Variants in ARL15 observed in about 807,000 individuals in gnomAD.
The protein encoded by ARL15 is ARF like GTPase 15, also known as ADP-ribosylation factor-like protein 15.
Under a neutral mutation model 25.2 loss-of-function variants are expected in ARL15, and 19 were observed. That is an observed-to-expected ratio of 0.75 (90% CI 0.53 to 1.10). The LOEUF is 1.10. Ranked by LOEUF, ARL15 falls within the 50% of genes least tolerant of loss-of-function variation. The pLI, the probability that ARL15 is intolerant of heterozygous loss-of-function variation, is 0.00. For synonymous variants in ARL15, 94 were observed against 86.8 expected (o/e 1.08, Z -0.46); for missense variants, 220 against 246.0 (o/e 0.89, Z 0.71).
intron 1 of ARL15, among the ~76,000 whole-genome samples, chr5:54,286,570 A>T (rs7725454): frequency 0.61 from 92,822 of 152,076 alleles, 29,270 homozygotes; most frequent in Non-Finnish European, 0.69. Context: ...AGCATAAATC[A>T]TCATATCAGA....
chr5:54,273,424 C>A (rs549797584), intron 1 of ARL15, among the ~76,000 whole-genome samples: 4 of 152,234 alleles, frequency 2.6e-5, no homozygotes, highest in African/African-American at 9.6e-5. Context: ...AACAATTAGA[C>A]AAATCTAAAC....
chr5:54,090,917 T>A (rs1561220310), intron 4 of ARL15, among the ~76,000 whole-genome samples: 1 of 151,410 alleles, frequency 6.6e-6, no homozygotes, highest in African/African-American at 2.4e-5. Context: ...CTAAAATTGA[T>A]GAGTCATTTG....
chr5:54,113,025 A>T, intron 4 of ARL15, 177 bp downstream of exon 4: 1 of 613,382 alleles, frequency 1.6e-6, no homozygotes, highest in Non-Finnish European at 2.8e-6. Flanking sequence ...AGGGTTAGGT[A>T]TGTAAACAAG....
chr5:54,004,461 A>T (rs1748952350), intron 4 of ARL15, among the ~76,000 whole-genome samples: 1 of 148,636 alleles, frequency 6.7e-6, no homozygotes, highest in African/African-American at 2.5e-5. Flanking sequence ...GTACCACCGC[A>T]CTCCAGCCTG....
intron 4 of ARL15, among the ~76,000 whole-genome samples, chr5:54,105,516 T>C (rs986452088): frequency 6.6e-6 from 1 of 152,198 alleles, no homozygotes; most frequent in Non-Finnish European, 1.5e-5. Flanking sequence ...AATATAAGAA[T>C]TTTTTAAAAT....
intron 4 of ARL15, among the ~76,000 whole-genome samples, chr5:54,104,698 A>G (rs1375648063): frequency 1.3e-5 from 2 of 152,188 alleles, no homozygotes; most frequent in Non-Finnish European, 2.9e-5. Context: ...CAACTCAGAG[A>G]TACTGAAGTA....
At position 54,187,823 on chromosome 5, in the gene ARL15, A is replaced by G. The variant is rs115945229; in HGVS notation, c.49-15895T>C. 1.2e-3 allele frequency among the ~76,000 whole-genome samples: 179 copies of G among 152,252 alleles called. 2 individuals carry two copies. Among genetic ancestry groups the G allele is most frequent in the African/African-American group, 4.2e-3 (173 of 41,546 alleles). ...TATTTTTGCTTTCCTTTCACCTTCAATGTCTTATGGGGAGAAAATGGGACA... is the reference window on the plus strand; with the variant it reads ...TATTTTTGCTTTCCTTTCACCTTCAGTGTCTTATGGGGAGAAAATGGGACA... On this transcript the variant is annotated intron_variant, in intron 1 of 4. Transcript: ENST00000504924.
At chr5:54,049,027 G>A (rs927155949) in intron 4 of ARL15, among the ~76,000 whole-genome samples, 7 of 151,954 alleles carry the variant, frequency 4.6e-5, no homozygotes, top group African/African-American at 1.7e-4. Context: ...AAAAACTACT[G>A]AGCAACTGGC....
intron 4 of ARL15, among the ~76,000 whole-genome samples, chr5:53,992,903 G>A (rs888988292): frequency 2.0e-5 from 3 of 152,120 alleles, no homozygotes; most frequent in Admixed American, 2.0e-4. Flanking sequence ...AAAATTAGCT[G>A]GGCGTAGTGG....
chr5:54,240,100 A>G (rs1488520649), intron 1 of ARL15, among the ~76,000 whole-genome samples: 142 of 151,664 alleles, frequency 9.4e-4, no homozygotes, highest in Admixed American at 1.8e-3. Context: ...GGTGGCGGGC[A>G]CCTGTAGTCC....
At chr5:54,089,279 A>G (rs908582002) in intron 4 of ARL15, among the ~76,000 whole-genome samples, 17 of 152,166 alleles carry the variant, frequency 1.1e-4, no homozygotes, top group Admixed American at 1.1e-3. Context: ...TGTCTCTCCA[A>G]TTAGACTGTA....
At chr5:54,195,124 A>T (rs1039540941) in intron 1 of ARL15, among the ~76,000 whole-genome samples, 5 of 152,136 alleles carry the variant, frequency 3.3e-5, no homozygotes, top group Non-Finnish European at 7.4e-5. Context: ...CTCCCCACTT[A>T]AGGCTTACAC....
Position 54,185,007 on chromosome 5 carries a change from C to T in ARL15, c.49-13079G>A, listed in dbSNP as rs150709543. Among the ~76,000 whole-genome samples the T allele has an allele frequency of 8.3e-3, 1,260 of 152,286 alleles. 11 individuals carry two copies. The highest frequency in any genetic ancestry group is 0.023 in the African/African-American group (968 of 41,548). ...TCAGGATAAAGTACAGACTCCTTATCTGGGCAGACAAGGAGCTTTATGATC... is the reference window on the plus strand; with the variant it reads ...TCAGGATAAAGTACAGACTCCTTATTTGGGCAGACAAGGAGCTTTATGATC... On this transcript the variant is annotated intron_variant, in intron 1 of 4. Coordinates refer to ENST00000504924, the MANE Select transcript of ARL15 (RefSeq NM_019087.3).
At chr5:53,955,632 A>G (rs1338967762) in intron 4 of ARL15, among the ~76,000 whole-genome samples, 1 of 152,234 alleles carries the variant, frequency 6.6e-6, no homozygotes, top group Non-Finnish European at 1.5e-5. Flanking sequence ...AAAGGTTTAC[A>G]GCAACTAAGC....
chr5:53,899,551 C>T (rs1000146538), intron 4 of ARL15, among the ~76,000 whole-genome samples: 4 of 151,604 alleles, frequency 2.6e-5, no homozygotes, highest in Non-Finnish European at 5.9e-5. Context: ...CTCCTACTTT[C>T]CTAAGGATGA....
intron 4 of ARL15, among the ~76,000 whole-genome samples, chr5:54,002,543 G>C (rs748471397): frequency 2.6e-5 from 4 of 152,146 alleles, no homozygotes; most frequent in Non-Finnish European, 2.9e-5. Context: ...TTTAGGCAGA[G>C]TAATCAAGAC....
intron 4 of ARL15, among the ~76,000 whole-genome samples, chr5:53,904,931 T>A (rs987352974): frequency 3.3e-5 from 5 of 152,114 alleles, no homozygotes; most frequent in African/African-American, 1.2e-4. Flanking sequence ...TTTTGCCATG[T>A]TGGCCAGGCT....
At chr5:53,995,241 G>T (rs1375105291) in intron 4 of ARL15, among the ~76,000 whole-genome samples, 1 of 149,414 alleles carries the variant, frequency 6.7e-6, no homozygotes, top group Non-Finnish European at 1.5e-5. Flanking sequence ...CCGGGAAGTG[G>T]AGGTTGCTCC....
chr5:53,966,674 A>G (rs577675294), intron 4 of ARL15, among the ~76,000 whole-genome samples: 1 of 152,336 alleles, frequency 6.6e-6, no homozygotes, highest in East Asian at 1.9e-4. Context: ...AGCAACCCAC[A>G]CACATTTGGT....
Sources: gnomAD v4.1 joint callset for allele counts (sites outside exome capture counted in the v4.1 genomes callset) on GRCh38, gnomAD v4.1.1 for gene constraint, MANE v1.5 for transcripts, NCBI Gene and HGNC (gene_info 2026-07-23, HGNC 2026-07-21) for gene names.